Variants in ARHGEF6 observed in about 807,000 individuals in gnomAD.
ARHGEF6 encodes the protein rho guanine nucleotide exchange factor 6.
A neutral mutation model predicts 70.3 loss-of-function variants in ARHGEF6; 9 were observed. The ratio of observed to expected loss-of-function variants is 0.13; its 90% CI spans 0.08 to 0.22. The LOEUF (loss-of-function observed/expected upper bound fraction) is 0.22. Ranked by LOEUF, ARHGEF6 falls within the 10% of genes least tolerant of loss-of-function variation. ARHGEF6 has a pLI of 1.00. For missense variants in ARHGEF6, 470 were observed against 563.0 expected (o/e 0.83, Z 1.67); for synonymous variants, 201 against 207.8 (o/e 0.97, Z 0.28).
intron 5 of ARHGEF6, among the ~76,000 whole-genome samples, chrX:136,741,273 C>G (rs1420225067): frequency 9.0e-6 from 1 of 111,373 alleles, no homozygotes; most frequent in South Asian, 3.8e-4. Flanking sequence ...ACTTTGCAGG[C>G]CCATCCCATT....
At position 136,680,765 on chromosome X, in the gene ARHGEF6, G is replaced by A. The variant is rs1469725127; in HGVS notation, c.1670C>T (p.Ser557Phe). 1 of 1,211,589 alleles carries A rather than the reference G, an allele frequency of 8.3e-7. No homozygotes were observed. Among genetic ancestry groups the A allele is most frequent in the South Asian group, 1.8e-5 (1 of 56,985 alleles). Residue 557 changes from serine (S) to phenylalanine (F), a missense_variant, in exon 15 of 22, where the codon TCC becomes TTC. Physicochemically the swap from Ser to Phe is radical, Grantham distance 155 (BLOSUM62 -2). Around this residue, in one of 3 missense-constraint regions of ARHGEF6, gnomAD observed 379 missense variants for 449.3 expected, o/e 0.84. Coordinates refer to ENST00000250617, the MANE Select transcript of ARHGEF6 (RefSeq NM_004840.3). ...IRGPASCSSL[S>F]KTSSSSCSAH... is the part of the protein sequence containing the mutation. The stretch of plus-strand genomic sequence containing the variant: ...ACTACATGATGACGATGAGGTTTTG[G>A]ATAATGAACTGCAAGAGGCAGGTCC...
Position 136,780,704 on chromosome X carries a change from C to G in ARHGEF6, c.165+14G>C. 1 of 1,206,822 alleles carries G rather than the reference C, an allele frequency of 8.3e-7. No homozygotes were observed. Among genetic ancestry groups the G allele is most frequent in the Non-Finnish European group, 1.1e-6 (1 of 891,192 alleles). The stretch of plus-strand genomic sequence containing the variant: ...GTGATAAGCAATCCCAAAGAGACTG[C>G]AAATTTCCCTTACCTTTTCCACAGA... On this transcript the variant is annotated intron_variant, in intron 1 of 21. Coordinates refer to ENST00000250617, the MANE Select transcript of ARHGEF6 (RefSeq NM_004840.3).
intron 6 of ARHGEF6, among the ~76,000 whole-genome samples, 164 bp from the exon 7 acceptor site, chrX:136,713,534 G>A (rs1285632173): frequency 8.9e-6 from 1 of 112,272 alleles, no homozygotes; most frequent in Non-Finnish European, 1.9e-5. Context: ...TTTCAATCTA[G>A]CAAACTACTT....
intron 2 of ARHGEF6, among the ~76,000 whole-genome samples, chrX:136,752,552 C>G (rs2077163386): frequency 8.9e-6 from 1 of 112,155 alleles, no homozygotes; most frequent in African/African-American, 3.2e-5. Flanking sequence ...CTAGCCACAT[C>G]TTAGTTAAGA....
At position 136,693,584 on chromosome X, in the gene ARHGEF6, G is replaced by A. The variant is rs1243279162; in HGVS notation, c.1047-2836C>T. Among the ~76,000 whole-genome samples the A allele has an allele frequency of 5.4e-5, 6 of 112,090 alleles. No homozygotes were observed. In the Admixed American group the frequency reaches 5.7e-4, roughly 11 times the overall value. ...TTAAAATGTTCTGTATATGTGACATGATACAATAGAAGCAGTTCTCAGTGT... is the reference window on the plus strand; with the variant it reads ...TTAAAATGTTCTGTATATGTGACATAATACAATAGAAGCAGTTCTCAGTGT... On this transcript the variant is annotated intron_variant, in intron 9 of 21. Coordinates refer to ENST00000250617, the MANE Select transcript of ARHGEF6 (RefSeq NM_004840.3).
chrX:136,750,831 C>A (rs887225357), intron 2 of ARHGEF6, among the ~76,000 whole-genome samples: 1 of 103,838 alleles, frequency 9.6e-6, no homozygotes, highest in African/African-American at 3.6e-5. Flanking sequence ...GAGGCAGAGT[C>A]TCACTGTATC....
intron 1 of ARHGEF6, among the ~76,000 whole-genome samples, chrX:136,780,066 T>C (rs1350288002): frequency 8.9e-6 from 1 of 112,202 alleles, no homozygotes; most frequent in Non-Finnish European, 1.9e-5. Context: ...ACCTTTAAGC[T>C]TACTTAAAGT....
intron 2 of ARHGEF6, among the ~76,000 whole-genome samples, chrX:136,776,438 G>A (rs2077405481): frequency 9.0e-6 from 1 of 111,416 alleles, no homozygotes; most frequent in African/African-American, 3.3e-5. Flanking sequence ...CATAAACTGG[G>A]GAAAGGACAC....
At chrX:136,744,503 C>T (rs1185664380) in intron 4 of ARHGEF6, among the ~76,000 whole-genome samples, 1 of 111,557 alleles carries the variant, frequency 9.0e-6, no homozygotes, top group Non-Finnish European at 1.9e-5. Flanking sequence ...CTTTTGTATA[C>T]AATTTGAGAG....
intron 5 of ARHGEF6, among the ~76,000 whole-genome samples, chrX:136,743,173 G>A (rs1354587778): frequency 1.8e-5 from 2 of 111,420 alleles, no homozygotes; most frequent in Non-Finnish European, 3.8e-5. Context: ...GAGGCATTTA[G>A]TCTCAGGTCT....
chrX:136,743,830 A>G, intron 4 of ARHGEF6, 44 bp from the exon 5 acceptor site: 1 of 1,129,354 alleles, frequency 8.9e-7, no homozygotes, highest in Non-Finnish European at 1.2e-6. Flanking sequence ...TCATCTAAAT[A>G]AGGCAGGGGT....
chrX:136,676,322 G>A (rs1386512379), intron 18 of ARHGEF6, among the ~76,000 whole-genome samples: 2 of 111,810 alleles, frequency 1.8e-5, no homozygotes, highest in Non-Finnish European at 3.8e-5. Flanking sequence ...AAACTAAGAG[G>A]GAAAAAATGT....
intron 2 of ARHGEF6, among the ~76,000 whole-genome samples, chrX:136,749,536 T>A (rs778573947): frequency 3.6e-5 from 4 of 111,882 alleles, no homozygotes; most frequent in Non-Finnish European, 7.5e-5. Context: ...TTTTAGTTGT[T>A]CCTTATCCAG....
At chrX:136,734,076 G>C (rs2076962179) in intron 5 of ARHGEF6, among the ~76,000 whole-genome samples, 1 of 112,287 alleles carries the variant, frequency 8.9e-6, no homozygotes, top group Non-Finnish European at 1.9e-5. Flanking sequence ...ATGTAGAAAT[G>C]GCAATGCTCA....
intron 5 of ARHGEF6, among the ~76,000 whole-genome samples, chrX:136,741,350 G>A (rs982931293): frequency 2.7e-5 from 3 of 111,133 alleles, no homozygotes; most frequent in African/African-American, 9.8e-5. Context: ...AAGAGTAAAT[G>A]TATTTTCTCT....
At chrX:136,675,353 G>C (rs1014924312) in intron 18 of ARHGEF6, among the ~76,000 whole-genome samples, 1 of 108,932 alleles carries the variant, frequency 9.2e-6, no homozygotes, top group East Asian at 2.9e-4. Flanking sequence ...ACCGGGGTGG[G>C]GGGGGCGGTG....
intron 2 of ARHGEF6, among the ~76,000 whole-genome samples, chrX:136,771,944 G>A (rs747464069): frequency 1.8e-5 from 2 of 112,326 alleles, no homozygotes; most frequent in East Asian, 5.6e-4. Flanking sequence ...ATATGGAAGA[G>A]ATAACGGCGC....
chrX:136,685,653 A>G (rs775233511), intron 12 of ARHGEF6, 24 bp downstream of exon 12: 51 of 1,197,373 alleles, frequency 4.3e-5, no homozygotes, highest in Non-Finnish European at 5.6e-5. Flanking sequence ...GGAAGAAATA[A>G]TGTTGAGATT....
intron 5 of ARHGEF6, among the ~76,000 whole-genome samples, chrX:136,738,717 C>G (rs747096385): frequency 8.9e-6 from 1 of 112,791 alleles, no homozygotes; most frequent in Non-Finnish European, 1.9e-5. Context: ...AGAGATCAAC[C>G]TTTGTGGGCT....
Sources: allele counts gnomAD v4.1 joint callset (sites outside exome capture counted in the v4.1 genomes callset), GRCh38; gene constraint gnomAD v4.1.1; regional missense constraint gnomAD v4.1.1; transcripts MANE v1.5; gene names NCBI Gene and HGNC (gene_info 2026-07-23, HGNC 2026-07-21).